The following PRKCA variants were observed in gnomAD, a reference collection of about 807,000 sequenced individuals.
PRKCA encodes protein kinase C alpha type.
PRKCA carries 27 observed loss-of-function variants against 87.0 expected under a neutral mutation model. That is an observed-to-expected ratio of 0.31 (90% CI 0.23 to 0.43). PRKCA has a LOEUF of 0.43. PRKCA is among the 20% of genes least tolerant of loss of function. PRKCA has a pLI of 1.00. For missense variants in PRKCA, 518 were observed against 852.3 expected (o/e 0.61, Z 4.88); for synonymous variants, 329 against 311.1 (o/e 1.06, Z -0.61).
At chr17:66,478,442 C>CG (rs993597463) in intron 2 of PRKCA, among the ~76,000 whole-genome samples, 41 of 151,992 alleles carry the variant, frequency 2.7e-4, no homozygotes, top group African/African-American at 9.9e-4. Flanking sequence ...TTAGTAGAGA[C>CG]GGGGTTTCAC....
chr17:66,774,550 G>T, intron 14 of PRKCA: 1 of 838,498 alleles, frequency 1.2e-6, no homozygotes, highest in Non-Finnish European at 1.5e-6. Context: ...AAGCCTGAGA[G>T]GCGGAGGCTG....
chr17:66,338,576 C>T (rs1361130493), intron 2 of PRKCA, among the ~76,000 whole-genome samples: 3 of 151,960 alleles, frequency 2.0e-5, no homozygotes, highest in East Asian at 1.9e-4. Context: ...ACTTAACATT[C>T]CCCCCCACTC....
chr17:66,502,235 T>C (rs915874678), intron 3 of PRKCA, among the ~76,000 whole-genome samples: 9 of 152,092 alleles, frequency 5.9e-5, no homozygotes, highest in African/African-American at 2.2e-4. Flanking sequence ...AAGCCCTTTT[T>C]AATTTTTTTT....
At chr17:66,655,234 C>A (rs1388889472) in intron 5 of PRKCA, among the ~76,000 whole-genome samples, 1 of 152,220 alleles carries the variant, frequency 6.6e-6, no homozygotes, top group Non-Finnish European at 1.5e-5. Context: ...TCTACTCTAT[C>A]TTCTTCCTTG....
intron 3 of PRKCA, among the ~76,000 whole-genome samples, chr17:66,558,686 A>G (rs1968579271): frequency 1.3e-5 from 2 of 152,102 alleles, no homozygotes; most frequent in Admixed American, 6.5e-5. Context: ...AGTGGAGAGT[A>G]AGGGGGGGAG....
At chr17:66,737,536 CTG>C (rs1974064775) in intron 10 of PRKCA, among the ~76,000 whole-genome samples, 1 of 152,214 alleles carries the variant, frequency 6.6e-6, no homozygotes, top group African/African-American at 2.4e-5. Flanking sequence ...GATTGACTTT[CTG>C]TCTTATGCCT....
chr17:66,628,596 A>T (rs961076857), intron 3 of PRKCA, among the ~76,000 whole-genome samples: 7 of 152,232 alleles, frequency 4.6e-5, no homozygotes, highest in African/African-American at 1.7e-4. Flanking sequence ...TACAGCAAGT[A>T]TGGTTTTACC....
intron 8 of PRKCA, among the ~76,000 whole-genome samples, chr17:66,711,916 GA>G (rs1393023362): frequency 1.3e-5 from 2 of 151,968 alleles, no homozygotes; most frequent in African/African-American, 4.8e-5. Flanking sequence ...AAATGAGAAA[GA>G]AAAAAAATAT....
intron 3 of PRKCA, among the ~76,000 whole-genome samples, chr17:66,586,204 G>A (rs1027805111): frequency 2.0e-5 from 3 of 152,126 alleles, no homozygotes; most frequent in Non-Finnish European, 2.9e-5. Flanking sequence ...CTTTGAGGTG[G>A]CCCCTGGAGA....
At chr17:66,392,510 G>A (rs777832785) in intron 2 of PRKCA, among the ~76,000 whole-genome samples, 4 of 152,222 alleles carry the variant, frequency 2.6e-5, no homozygotes, top group Non-Finnish European at 4.4e-5. Context: ...TGATTCCTCT[G>A]TGGTTTTGTA....
chr17:66,440,735 T>C (rs1913693760), intron 2 of PRKCA, among the ~76,000 whole-genome samples: 1 of 151,982 alleles, frequency 6.6e-6, no homozygotes, highest in African/African-American at 2.4e-5. Flanking sequence ...TCCCAGCACT[T>C]AAAAGATTGG....
At chr17:66,314,969 A>G (rs771417992) in intron 2 of PRKCA, among the ~76,000 whole-genome samples, 18 of 151,504 alleles carry the variant, frequency 1.2e-4, no homozygotes, top group African/African-American at 4.4e-4. Context: ...ATGTGTGTAT[A>G]TATGTGTGTA....
chr17:66,361,719 T>A (rs1908402977), intron 2 of PRKCA, among the ~76,000 whole-genome samples: 1 of 152,216 alleles, frequency 6.6e-6, no homozygotes, highest in Non-Finnish European at 1.5e-5. Context: ...TTCTTAAATG[T>A]TTATAGATTT....
intron 2 of PRKCA, among the ~76,000 whole-genome samples, chr17:66,337,925 A>G (rs968791322): frequency 1.3e-5 from 2 of 152,152 alleles, no homozygotes; most frequent in Admixed American, 6.6e-5. Flanking sequence ...CCAATTAAAA[A>G]AAAAACTTTT....
intron 3 of PRKCA, among the ~76,000 whole-genome samples, chr17:66,577,485 C>CA (rs1056977936): frequency 6.6e-6 from 1 of 152,034 alleles, no homozygotes; most frequent in African/African-American, 2.4e-5. Context: ...GCCAGGATGC[C>CA]ACCCTGACTT....
chr17:66,459,752 A>G (rs1417382798), intron 2 of PRKCA, among the ~76,000 whole-genome samples: 2 of 152,132 alleles, frequency 1.3e-5, no homozygotes, highest in Non-Finnish European at 2.9e-5. Flanking sequence ...GTAAGTAATT[A>G]TTTTGGGGCA....
intron 2 of PRKCA, among the ~76,000 whole-genome samples, chr17:66,495,934 T>C (rs2144110497): frequency 6.6e-6 from 1 of 152,280 alleles, no homozygotes; most frequent in South Asian, 2.1e-4. Flanking sequence ...TCTTACAATC[T>C]GATTCTCCTC....
At chr17:66,358,928 T>TA (rs929513472) in intron 2 of PRKCA, among the ~76,000 whole-genome samples, 1 of 151,700 alleles carries the variant, frequency 6.6e-6, no homozygotes, top group African/African-American at 2.4e-5. Context: ...AGAGTACCTT[T>TA]AAAAAAAAGT....
At chr17:66,713,817 C>T (rs1252298800) in intron 8 of PRKCA, among the ~76,000 whole-genome samples, 1 of 152,158 alleles carries the variant, frequency 6.6e-6, no homozygotes, top group Non-Finnish European at 1.5e-5. Flanking sequence ...CTGGTTTTCT[C>T]TGTTGACAGG....
Sources: gnomAD v4.1 joint callset for allele counts (sites outside exome capture counted in the v4.1 genomes callset) on GRCh38, gnomAD v4.1.1 for gene constraint, MANE v1.5 for transcripts, NCBI Gene and HGNC (gene_info 2026-07-23, HGNC 2026-07-21) for gene names.